Variants in ARHGEF38 observed in about 807,000 individuals in gnomAD.
ARHGEF38 encodes Rho guanine nucleotide exchange factor 38, also known as Rho guanine nucleotide exchange factor (GEF) 38.
ARHGEF38 carries 79 observed loss-of-function variants against 79.9 expected under a neutral mutation model. The observed-to-expected ratio is 0.99, with a 90% CI of 0.82 to 1.19. The LOEUF (loss-of-function observed/expected upper bound fraction) is 1.19. Ranked by LOEUF, ARHGEF38 falls within the 50% of genes most tolerant of loss-of-function variation. ARHGEF38 has a pLI of 0.00. For synonymous variants in ARHGEF38, 366 were observed against 328.3 expected, an observed-to-expected ratio of 1.11 and a Z score of -1.24; for missense variants, 962 against 907.2, an observed-to-expected ratio of 1.06 and a Z score of -0.78.
chr4:105,590,832 A>G (rs558366084), intron 2 of ARHGEF38, among the ~76,000 whole-genome samples: 16 of 152,260 alleles, frequency 1.1e-4, no homozygotes, highest in African/African-American at 3.4e-4. Context: ...GATTTCATAA[A>G]TGTTCTTTTG....
In ARHGEF38 at chr4:105,645,293, C is replaced by G. The variant is rs1377876304; in HGVS notation, c.780C>G (p.Pro260=). The change falls in exon 6 of 14, where the codon CCC becomes CCG. Residue 260 remains proline, a synonymous_variant. Coordinates refer to ENST00000420470, the MANE Select transcript of ARHGEF38 (RefSeq NM_001242729.2). ...GCGAACTTCGGAATTCCACCCCTCC[C>G]TCTCACCCAGATTACAGAGCACTGG... ...LLCELRNSTP[P]SHPDYRALDD... is the part of the protein sequence containing the mutation. 1.3e-6 allele frequency: 2 copies of G among 1,536,604 alleles called. No individual in the cohort carries two copies. The highest frequency in any genetic ancestry group is 4.9e-5 in the East Asian group (2 of 40,908).
At chr4:105,609,147 C>G (rs144822052) in intron 2 of ARHGEF38, among the ~76,000 whole-genome samples, 1 of 151,996 alleles carries the variant, frequency 6.6e-6, no homozygotes, top group African/African-American at 2.4e-5. Flanking sequence ...TCAGGTCTTA[C>G]GTTTAAGTCT....
chr4:105,587,167 G>C (rs1488638900), intron 1 of ARHGEF38, among the ~76,000 whole-genome samples: 2 of 152,140 alleles, frequency 1.3e-5, no homozygotes, highest in Admixed American at 6.5e-5. Context: ...AATTAGGCTG[G>C]TGCAGTGGCT....
In ARHGEF38 at chr4:105,679,793, T is replaced by G; in HGVS notation, c.*1856T>G. 9.3e-7 allele frequency: 1 copy of G among 1,071,450 alleles called. No homozygotes were observed. Among genetic ancestry groups the G allele is most frequent in the Non-Finnish European group, 1.4e-6 (1 of 693,128 alleles). 66.4% of individuals were successfully genotyped at this position (1,071,450 alleles called of 1,614,324 possible). A position where few individuals can be genotyped will look rare whatever the true frequency, so the allele number is the denominator to read the frequency against. On this transcript the variant is annotated 3_prime_UTR_variant, in exon 14 of 14. Transcript: ENST00000420470. ...TATACAAACCCCTGTCTGTCCAGCT[T>G]TACCCACGCATCCAGAGAGATGGAT...
At chr4:105,682,289 G>C (rs1560770261), downstream of ARHGEF38, among the ~76,000 whole-genome samples, 1 of 152,080 alleles carries the variant, frequency 6.6e-6, no homozygotes, top group Non-Finnish European at 1.5e-5. Flanking sequence ...GAGGGAGAGG[G>C]AGAGTCAGTT....
At chr4:105,638,929 A>T (rs1729510309) in intron 5 of ARHGEF38, among the ~76,000 whole-genome samples, 1 of 151,818 alleles carries the variant, frequency 6.6e-6, no homozygotes, top group Non-Finnish European at 1.5e-5. Flanking sequence ...CAATAATTTG[A>T]TTTTTTGGAT....
chr4:105,635,939 C>A (rs1199654668), intron 4 of ARHGEF38, among the ~76,000 whole-genome samples: 1 of 151,982 alleles, frequency 6.6e-6, no homozygotes, highest in Non-Finnish European at 1.5e-5. Flanking sequence ...TCACACATGT[C>A]CCCCACCATT....
chr4:105,675,298 T>C (rs1296497731), intron 13 of ARHGEF38, among the ~76,000 whole-genome samples: 1 of 152,204 alleles, frequency 6.6e-6, no homozygotes, highest in African/African-American at 2.4e-5. Flanking sequence ...ATGTTTCTTC[T>C]GTAAGACATA....
At chr4:105,594,732 G>A (rs1727502209) in intron 2 of ARHGEF38, among the ~76,000 whole-genome samples, 1 of 152,150 alleles carries the variant, frequency 6.6e-6, no homozygotes, top group Non-Finnish European at 1.5e-5. Context: ...TGTGACAATC[G>A]TGCTGTAAAC....
intron 1 of ARHGEF38, among the ~76,000 whole-genome samples, chr4:105,570,898 C>T (rs907504440): frequency 5.9e-5 from 9 of 152,074 alleles, no homozygotes; most frequent in Admixed American, 4.6e-4. Context: ...GATTACATTC[C>T]GCTAACTGAA....
At chr4:105,561,400 T>TAGAATAGAATGGAATGGAATAG (rs59437354) in intron 1 of ARHGEF38, among the ~76,000 whole-genome samples, 2 of 30,162 alleles carry the variant, frequency 6.6e-5, no homozygotes, top group Non-Finnish European at 1.3e-4. Context: ...TAGAGTAGAA[T>TAGAATAGAATGGAATGGAATAG]AATAGAATAG....
chr4:105,678,114 T>G lies in ARHGEF38; in HGVS notation c.*177T>G. ...ACAGGATTATTGCATGAATGTATTA[T>G]AAAGGATACATGTTGAAAGAAATAC... On this transcript the variant is annotated 3_prime_UTR_variant, in exon 14 of 14. Coordinates refer to ENST00000420470, the MANE Select transcript of ARHGEF38 (RefSeq NM_001242729.2). 2.1e-6 allele frequency: 1 copy of G among 470,552 alleles called. No individual in the cohort carries two copies. The highest frequency in any genetic ancestry group is 3.6e-6 in the Non-Finnish European group (1 of 277,148). 29.1% of individuals were successfully genotyped at this position (470,552 alleles called of 1,614,324 possible).
At chr4:105,615,940 C>T (rs780248690) in intron 3 of ARHGEF38, among the ~76,000 whole-genome samples, 1 of 152,154 alleles carries the variant, frequency 6.6e-6, no homozygotes, top group Non-Finnish European at 1.5e-5. Flanking sequence ...GTGTTGGATG[C>T]TGCAGACCCC....
At chr4:105,674,561 A>T (rs1444543260) in intron 13 of ARHGEF38, among the ~76,000 whole-genome samples, 1 of 152,080 alleles carries the variant, frequency 6.6e-6, no homozygotes, top group Non-Finnish European at 1.5e-5. Context: ...ACTAAAAAGG[A>T]GACTTAAAAA....
At chr4:105,665,936 A>AT (rs1730733388) in intron 10 of ARHGEF38, among the ~76,000 whole-genome samples, 1 of 151,934 alleles carries the variant, frequency 6.6e-6, no homozygotes, top group African/African-American at 2.4e-5. Flanking sequence ...CTTCATTGCT[A>AT]TTTTTTCTCT....
In ARHGEF38 at chr4:105,552,687, A is replaced by G; in HGVS notation, c.-79A>G. 1 of 1,208,292 alleles carries G rather than the reference A, an allele frequency of 8.3e-7. No homozygotes were observed. Among genetic ancestry groups the G allele is most frequent in the East Asian group, 2.4e-5 (1 of 41,700 alleles). 74.8% of individuals were successfully genotyped at this position (1,208,292 alleles called of 1,614,324 possible). A position where few individuals can be genotyped will look rare whatever the true frequency, so the allele number is the denominator to read the frequency against. On this transcript the variant is annotated 5_prime_UTR_variant, in exon 1 of 14. Coordinates refer to ENST00000420470, the MANE Select transcript of ARHGEF38 (RefSeq NM_001242729.2). ...AGGGAGCAGATAAACTCGTCACTCT[A>G]GTAGCTTTAACCCTCACCCTGAGGC...
intron 10 of ARHGEF38, among the ~76,000 whole-genome samples, chr4:105,662,661 T>C (rs1730603952): frequency 6.6e-6 from 1 of 152,176 alleles, no homozygotes; most frequent in African/African-American, 2.4e-5. Flanking sequence ...AAATAATCTC[T>C]TGTTACTGCT....
At chr4:105,623,263 G>A (rs911829612) in intron 3 of ARHGEF38, among the ~76,000 whole-genome samples, 12 of 152,238 alleles carry the variant, frequency 7.9e-5, no homozygotes, top group African/African-American at 2.9e-4. Context: ...GGCACACAGA[G>A]GGTCCAGGAG....
chr4:105,617,417 T>G (rs1173288098), intron 3 of ARHGEF38, among the ~76,000 whole-genome samples: 1 of 152,200 alleles, frequency 6.6e-6, no homozygotes, highest in Admixed American at 6.5e-5. Flanking sequence ...GCATTTATTT[T>G]TATATACACA....
Sources: gnomAD v4.1 joint callset for allele counts (sites outside exome capture counted in the v4.1 genomes callset) on GRCh38, gnomAD v4.1.1 for gene constraint, MANE v1.5 for transcripts, NCBI Gene and HGNC (gene_info 2026-07-23, HGNC 2026-07-21) for gene names.